CNTNAP5: variants seen among roughly 807,000 people sequenced by gnomAD.
The protein encoded by CNTNAP5 is contactin associated protein family member 5.
A neutral mutation model predicts 150.2 loss-of-function variants in CNTNAP5; 72 were observed. That is an observed-to-expected ratio of 0.48 (90% CI 0.40 to 0.58). The LOEUF (loss-of-function observed/expected upper bound fraction) is 0.58, where lower values mean the gene tolerates loss of function less well. Ranked by LOEUF, CNTNAP5 falls within the 20% of genes least tolerant of loss-of-function variation. CNTNAP5 has a pLI of 0.00. For synonymous variants in CNTNAP5, 672 were observed against 619.8 expected (o/e 1.08, Z -1.25); for missense variants, 1,636 against 1,626.2 (o/e 1.01, Z -0.10).
intron 7 of CNTNAP5, among the ~76,000 whole-genome samples, chr2:124,501,802 C>G (rs2104860452): frequency 6.6e-6 from 1 of 152,324 alleles, no homozygotes; most frequent in African/African-American, 2.4e-5. Flanking sequence ...GAGCTGCCAA[C>G]ACTCACGTGA....
chr2:124,549,052 G>A (rs969631346), intron 10 of CNTNAP5, among the ~76,000 whole-genome samples: 1 of 152,162 alleles, frequency 6.6e-6, no homozygotes. Flanking sequence ...TAGCCTCTGG[G>A]CACAGTCCCT....
intron 13 of CNTNAP5, among the ~76,000 whole-genome samples, chr2:124,718,954 A>C (rs1332514447): frequency 6.6e-6 from 1 of 151,794 alleles, no homozygotes; most frequent in African/African-American, 2.4e-5. Context: ...AAAAAAAAAA[A>C]AAAGAACGGG....
At chr2:124,721,413 C>A (rs1461486109) in intron 13 of CNTNAP5, among the ~76,000 whole-genome samples, 1 of 151,656 alleles carries the variant, frequency 6.6e-6, no homozygotes, top group Non-Finnish European at 1.5e-5. Context: ...ACCCGGACGG[C>A]GGAGGTTGCA....
chr2:124,554,633 A>T (rs143071155), intron 10 of CNTNAP5, among the ~76,000 whole-genome samples: 1 of 151,836 alleles, frequency 6.6e-6, no homozygotes, highest in Non-Finnish European at 1.5e-5. Flanking sequence ...TGTTGTCCAG[A>T]CTTATCTTGA....
chr2:124,631,248 A>G (rs1158705767), intron 12 of CNTNAP5, among the ~76,000 whole-genome samples: 2 of 152,220 alleles, frequency 1.3e-5, no homozygotes, highest in African/African-American at 4.8e-5. Flanking sequence ...GGAACCAAAA[A>G]AAAAGCTCGC....
At chr2:124,663,393 A>G (rs1678633206) in intron 13 of CNTNAP5, among the ~76,000 whole-genome samples, 2 of 152,194 alleles carry the variant, frequency 1.3e-5, no homozygotes, top group Admixed American at 6.5e-5. Context: ...GCCCCCCAAA[A>G]ATAAAAAGCT....
intron 3 of CNTNAP5, among the ~76,000 whole-genome samples, chr2:124,321,293 A>G (rs1392437465): frequency 6.6e-6 from 1 of 152,016 alleles, no homozygotes; most frequent in African/African-American, 2.4e-5. Flanking sequence ...AAAATACAAA[A>G]TTAGTCGGGT....
At chr2:124,496,770 G>C (rs1694158944) in intron 7 of CNTNAP5, among the ~76,000 whole-genome samples, 1 of 152,146 alleles carries the variant, frequency 6.6e-6, no homozygotes, top group Non-Finnish European at 1.5e-5. Context: ...GGATCTCACT[G>C]TCCCTACGGT....
chr2:124,788,411 T>G (rs139819032), intron 17 of CNTNAP5, among the ~76,000 whole-genome samples: 11 of 152,332 alleles, frequency 7.2e-5, no homozygotes, highest in Non-Finnish European at 1.2e-4. Context: ...AAAAGAAATC[T>G]GTCTTCTAAA....
chr2:124,846,296 T>G (rs1221529567), intron 19 of CNTNAP5, among the ~76,000 whole-genome samples: 2 of 152,244 alleles, frequency 1.3e-5, no homozygotes, highest in African/African-American at 4.8e-5. Flanking sequence ...TTTTTTGTCT[T>G]TGTTGAATTG....
chr2:124,504,602 C>T lies in CNTNAP5; in HGVS notation c.1327+46C>T, dbSNP rs771776444. 13 of 1,588,888 alleles carry T rather than the reference C, an allele frequency of 8.2e-6. No homozygotes were observed. In the South Asian group the frequency reaches 9.0e-5, roughly 11 times the overall value. ...GGATCAGCTTCTTGTTTATCCAAGT[C>T]GACAAAGGTTGAGGTCCTGACAAAA... On this transcript the variant is annotated intron_variant, in intron 8 of 23. Transcript: ENST00000682447.
At chr2:124,771,410 G>A (rs1027722087) in intron 16 of CNTNAP5, among the ~76,000 whole-genome samples, 2 of 152,016 alleles carry the variant, frequency 1.3e-5, no homozygotes, top group Admixed American at 1.3e-4. Context: ...ACTCAACAGA[G>A]CAACATCGTG....
At chr2:124,813,251 G>C (rs1275577405) in intron 19 of CNTNAP5, among the ~76,000 whole-genome samples, 1 of 151,574 alleles carries the variant, frequency 6.6e-6, no homozygotes, top group African/African-American at 2.4e-5. Flanking sequence ...TAATTTTTTT[G>C]TATTTTTAGT....
chr2:124,617,904 A>G (rs6707400), intron 12 of CNTNAP5, among the ~76,000 whole-genome samples: 63,108 of 151,934 alleles, frequency 0.42, 14,812 homozygotes, highest in Non-Finnish European at 0.54. Flanking sequence ...CTGAAACCTG[A>G]ATAGGAGTAG....
chr2:124,202,015 T>C (rs1332821561), intron 1 of CNTNAP5, among the ~76,000 whole-genome samples: 1 of 152,184 alleles, frequency 6.6e-6, no homozygotes, highest in Non-Finnish European at 1.5e-5. Context: ...ACATATTATA[T>C]GTATATTTTA....
intron 7 of CNTNAP5, among the ~76,000 whole-genome samples, chr2:124,504,053 C>A (rs1233002949): frequency 6.6e-6 from 1 of 152,132 alleles, no homozygotes; most frequent in African/African-American, 2.4e-5. Flanking sequence ...ATCCCCCTTC[C>A]TTCTGGGACT....
chr2:124,254,040 A>AT (rs1687249134), intron 3 of CNTNAP5, among the ~76,000 whole-genome samples: 1 of 152,138 alleles, frequency 6.6e-6, no homozygotes, highest in South Asian at 2.1e-4. Context: ...CCTGGGCAGC[A>AT]TTTTATATCC....
chr2:124,168,655 C>A (rs1000116226), intron 1 of CNTNAP5, among the ~76,000 whole-genome samples: 13 of 152,120 alleles, frequency 8.5e-5, no homozygotes, highest in African/African-American at 2.9e-4. Flanking sequence ...AACAGGAAAG[C>A]AAATGGAATT....
intron 1 of CNTNAP5, among the ~76,000 whole-genome samples, chr2:124,167,535 G>T (rs544435782): frequency 6.6e-6 from 1 of 152,214 alleles, no homozygotes; most frequent in East Asian, 1.9e-4. Context: ...AAAAAAGCAA[G>T]GTAGCAGGTT....
Sources: gnomAD v4.1 joint callset for allele counts (sites outside exome capture counted in the v4.1 genomes callset) on GRCh38, gnomAD v4.1.1 for gene constraint, MANE v1.5 for transcripts, NCBI Gene and HGNC (gene_info 2026-07-23, HGNC 2026-07-21) for gene names.